Variants in DLGAP2 observed in about 807,000 individuals in gnomAD.
The protein encoded by DLGAP2 is disks large-associated protein 2.
In DLGAP2, 26 loss-of-function variants were observed where a neutral mutation model predicts 100.3. The ratio of observed to expected loss-of-function variants is 0.26; its 90% confidence interval spans 0.19 to 0.36. The LOEUF (loss-of-function observed/expected upper bound fraction) is 0.36. Among genes scored for constraint, DLGAP2 ranks in the 10% least tolerant of loss-of-function variants. The pLI is 1.00. For synonymous variants in DLGAP2, 886 were observed against 630.1 expected, an observed-to-expected ratio of 1.41 and a Z score of -6.08; for missense variants, 1,858 against 1,453.2, an observed-to-expected ratio of 1.28 and a Z score of -4.53.
chr8:1,370,129 T>C (rs1258179952), intron 3 of DLGAP2, among the ~76,000 whole-genome samples: 1 of 152,172 alleles, frequency 6.6e-6, no homozygotes, highest in East Asian at 1.9e-4. Context: ...TTTATGACAA[T>C]TGGAAAGGTC....
intron 1 of DLGAP2, among the ~76,000 whole-genome samples, chr8:751,986 T>A (rs2132574851): frequency 6.6e-6 from 1 of 152,212 alleles, no homozygotes; most frequent in African/African-American, 2.4e-5. Context: ...TTCAGGCCCA[T>A]TTTTTTTCTC....
chr8:1,517,429 C>T (rs1322211484), intron 4 of DLGAP2, among the ~76,000 whole-genome samples: 1 of 152,170 alleles, frequency 6.6e-6, no homozygotes, highest in African/African-American at 2.4e-5. Flanking sequence ...CCTGCAACAC[C>T]TTACGTCTCA....
At chr8:1,026,362 TCCA>T (rs1801800037) in intron 2 of DLGAP2, among the ~76,000 whole-genome samples, 1 of 152,120 alleles carries the variant, frequency 6.6e-6, no homozygotes, top group African/African-American at 2.4e-5. Flanking sequence ...ACATGGAAGC[TCCA>T]CTTCACGGTT....
At chr8:1,260,744 TG>T (rs1799329974) in intron 3 of DLGAP2, among the ~76,000 whole-genome samples, 1 of 152,222 alleles carries the variant, frequency 6.6e-6, no homozygotes, top group Non-Finnish European at 1.5e-5. Context: ...GGATGATTTC[TG>T]GGGACATTCT....
intron 2 of DLGAP2, among the ~76,000 whole-genome samples, chr8:1,053,176 T>TAGA (rs1802772126): frequency 6.6e-6 from 1 of 152,184 alleles, no homozygotes; most frequent in Non-Finnish European, 1.5e-5. Flanking sequence ...GAAATCAAAA[T>TAGA]AGAAGCGCGG....
At chr8:757,619 C>G (rs1820954160) in intron 1 of DLGAP2, among the ~76,000 whole-genome samples, 1 of 152,188 alleles carries the variant, frequency 6.6e-6, no homozygotes, top group Admixed American at 6.5e-5. Context: ...TGCTGGGTCA[C>G]AGGCTGTGTG....
intron 3 of DLGAP2, among the ~76,000 whole-genome samples, chr8:1,271,428 A>G (rs1245676496): frequency 1.3e-5 from 2 of 152,170 alleles, no homozygotes; most frequent in Non-Finnish European, 2.9e-5. Context: ...TGACTTTATG[A>G]ACCTCCTTGT....
chr8:744,417 T>C (rs1157733386), intron 1 of DLGAP2, among the ~76,000 whole-genome samples: 1 of 152,212 alleles, frequency 6.6e-6, no homozygotes, highest in African/African-American at 2.4e-5. Flanking sequence ...TGGGTGAAGG[T>C]GCAGAAGAGG....
intron 3 of DLGAP2, among the ~76,000 whole-genome samples, chr8:1,321,146 C>A (rs190745442): frequency 5.3e-5 from 8 of 151,084 alleles, no homozygotes; most frequent in Admixed American, 5.3e-4. Context: ...TGCATGTGTG[C>A]ATGCATCCGT....
At chr8:1,551,586 G>A (rs1338290182) in intron 5 of DLGAP2, among the ~76,000 whole-genome samples, 1 of 152,144 alleles carries the variant, frequency 6.6e-6, no homozygotes, top group Non-Finnish European at 1.5e-5. Flanking sequence ...CGGTCTAGGT[G>A]CAGGGAATAC....
At chr8:1,582,958 C>T (rs1414435739) in intron 6 of DLGAP2, among the ~76,000 whole-genome samples, 1 of 152,136 alleles carries the variant, frequency 6.6e-6, no homozygotes, top group African/African-American at 2.4e-5. Context: ...TTGGTGGTGG[C>T]TGCATGACCG....
At chr8:761,499 G>A (rs769748986) in intron 1 of DLGAP2, among the ~76,000 whole-genome samples, 1 of 152,224 alleles carries the variant, frequency 6.6e-6, no homozygotes, top group African/African-American at 2.4e-5. Flanking sequence ...TCTACATGGC[G>A]TTGCTTTTAA....
At chr8:1,193,123 C>A (rs566448016) in intron 2 of DLGAP2, among the ~76,000 whole-genome samples, 1 of 152,142 alleles carries the variant, frequency 6.6e-6, no homozygotes, top group African/African-American at 2.4e-5. Flanking sequence ...AATAGTGCCG[C>A]TATAAACATA....
At chr8:823,760 G>T (rs750509423) in intron 1 of DLGAP2, among the ~76,000 whole-genome samples, 3 of 152,146 alleles carry the variant, frequency 2.0e-5, no homozygotes, top group Non-Finnish European at 4.4e-5. Flanking sequence ...GTGGTCATTC[G>T]CAGCACGGGG....
chr8:1,188,412 C>G (rs1272704715), intron 2 of DLGAP2, among the ~76,000 whole-genome samples: 1 of 129,866 alleles, frequency 7.7e-6, no homozygotes, highest in South Asian at 2.4e-4. Context: ...ACATTTGCCT[C>G]ACAGAATCGC....
At chr8:1,038,256 C>T (rs569048409) in intron 2 of DLGAP2, among the ~76,000 whole-genome samples, 23 of 152,338 alleles carry the variant, frequency 1.5e-4, no homozygotes, top group African/African-American at 5.5e-4. Flanking sequence ...GGAAGAGTTA[C>T]AGCTTTTTGG....
intron 1 of DLGAP2, among the ~76,000 whole-genome samples, chr8:852,183 A>G (rs555387591): frequency 3.7e-4 from 56 of 152,152 alleles, no homozygotes; most frequent in African/African-American, 1.3e-3. Context: ...AGTTTAAAGA[A>G]TTGCTCTGAG....
At chr8:1,380,954 A>AAAC (rs1554456350) in intron 3 of DLGAP2, 2 of 150,468 alleles carry the variant, frequency 1.3e-5, no homozygotes, top group Admixed American at 6.6e-5. Context: ...AAAAAAAAAA[A>AAAC]AAAAAACACC....
intron 5 of DLGAP2, among the ~76,000 whole-genome samples, chr8:1,563,846 C>G (rs907201411): frequency 6.6e-6 from 1 of 152,164 alleles, no homozygotes; most frequent in Non-Finnish European, 1.5e-5. Context: ...TGTCGATCGG[C>G]TCACAGGCAA....
Sources: gnomAD v4.1 joint callset for allele counts (sites outside exome capture counted in the v4.1 genomes callset) on GRCh38, gnomAD v4.1.1 for gene constraint, MANE v1.5 for transcripts, NCBI Gene and HGNC (gene_info 2026-07-23, HGNC 2026-07-21) for gene names.